The following IGF1R variants were observed in gnomAD, a reference collection of about 807,000 sequenced individuals.
IGF1R encodes the protein insulin-like growth factor 1 receptor.
Under a neutral mutation model 144.6 loss-of-function variants are expected in IGF1R, and 44 were observed. The ratio of observed to expected loss-of-function variants is 0.30; its 90% confidence interval spans 0.24 to 0.39. The LOEUF is 0.39. Among genes scored for constraint, IGF1R ranks in the 10% least tolerant of loss-of-function variants. IGF1R has a pLI of 1.00. For synonymous variants in IGF1R, 795 were observed against 722.8 expected (o/e 1.10, Z -1.60); for missense variants, 1,355 against 1,833.7 (o/e 0.74, Z 4.77).
intron 2 of IGF1R, among the ~76,000 whole-genome samples, chr15:98,830,809 G>GGCC (rs2141500907): frequency 6.6e-6 from 1 of 152,202 alleles, no homozygotes; most frequent in African/African-American, 2.4e-5. Context: ...TTGCCATGTT[G>GGCC]GCCAGGCTGA....
chr15:98,896,970 A>T, intron 4 of IGF1R, 65 bp downstream of exon 4: 1 of 1,520,372 alleles, frequency 6.6e-7, no homozygotes, highest in Non-Finnish European at 9.1e-7. Context: ...GATGCTTTTC[A>T]TGCTCCCGTC....
chr15:98,805,872 C>T (rs1268801361), intron 2 of IGF1R, among the ~76,000 whole-genome samples: 1 of 152,170 alleles, frequency 6.6e-6, no homozygotes, highest in Non-Finnish European at 1.5e-5. Context: ...CAGACACCAA[C>T]TGGGGGCCTT....
At chr15:98,738,891 A>G (rs903499321) in intron 2 of IGF1R, among the ~76,000 whole-genome samples, 1 of 152,178 alleles carries the variant, frequency 6.6e-6, no homozygotes, top group African/African-American at 2.4e-5. Context: ...GCTTTTGCAC[A>G]TGTTTTCTCA....
chr15:98,650,450 C>T (rs780101532), intron 1 of IGF1R, among the ~76,000 whole-genome samples: 2 of 152,234 alleles, frequency 1.3e-5, no homozygotes, highest in Non-Finnish European at 2.9e-5. Flanking sequence ...CTTGTCTCTT[C>T]CGGGGAGCGC....
At chr15:98,700,687 C>T (rs750476696) in intron 1 of IGF1R, among the ~76,000 whole-genome samples, 20 of 152,220 alleles carry the variant, frequency 1.3e-4, no homozygotes, top group African/African-American at 4.1e-4. Context: ...CCCCGCCACA[C>T]GGGCTGCACC....
At chr15:98,735,302 A>G (rs1469925636) in intron 2 of IGF1R, among the ~76,000 whole-genome samples, 2 of 152,210 alleles carry the variant, frequency 1.3e-5, no homozygotes, top group East Asian at 1.9e-4. Flanking sequence ...CACTTAATGG[A>G]AGAGTCTAAG....
At chr15:98,878,749 T>C (rs1241039677) in intron 2 of IGF1R, among the ~76,000 whole-genome samples, 1 of 145,874 alleles carries the variant, frequency 6.9e-6, no homozygotes, top group African/African-American at 2.6e-5. Context: ...TCCCAGCACC[T>C]TGGGAGGCCA....
At chr15:98,819,072 G>A (rs8041953) in intron 2 of IGF1R, among the ~76,000 whole-genome samples, 121,782 of 151,910 alleles carry the variant, frequency 0.8, 49,804 homozygotes, top group Non-Finnish European at 0.87. Flanking sequence ...GGCAGATGGG[G>A]CAGGAGCTCT....
At chr15:98,919,733 A>G (rs759228625) in intron 10 of IGF1R, among the ~76,000 whole-genome samples, 2 of 152,224 alleles carry the variant, frequency 1.3e-5, no homozygotes, top group Non-Finnish European at 1.5e-5. Flanking sequence ...GTGAGAGGCC[A>G]TAATTTTTAA....
intron 2 of IGF1R, among the ~76,000 whole-genome samples, chr15:98,778,129 TGA>T (rs1281483893): frequency 1.3e-5 from 2 of 152,128 alleles, no homozygotes; most frequent in South Asian, 2.1e-4. Flanking sequence ...CCTGAGAACA[TGA>T]GAGAGTGTTG....
At chr15:98,944,984 C>G (rs2151721557) in intron 19 of IGF1R, among the ~76,000 whole-genome samples, 1 of 152,356 alleles carries the variant, frequency 6.6e-6, no homozygotes, top group South Asian at 2.1e-4. Flanking sequence ...TGTGTCTGTT[C>G]TAGCCAGAAC....
At chr15:98,741,124 C>CAT (rs2054729882) in intron 2 of IGF1R, among the ~76,000 whole-genome samples, 1 of 151,738 alleles carries the variant, frequency 6.6e-6, no homozygotes, top group East Asian at 1.9e-4. Context: ...TAGAATGACT[C>CAT]TCTTGGGTAA....
At chr15:98,712,080 T>G (rs995804316) in intron 2 of IGF1R, among the ~76,000 whole-genome samples, 2 of 152,178 alleles carry the variant, frequency 1.3e-5, no homozygotes, top group South Asian at 4.1e-4. Context: ...CATAAGAATT[T>G]TGAGGGGACA....
At chr15:98,741,338 A>C (rs888261229) in intron 2 of IGF1R, among the ~76,000 whole-genome samples, 1 of 146,236 alleles carries the variant, frequency 6.8e-6, no homozygotes, top group Non-Finnish European at 1.5e-5. Context: ...TTTAGATGCT[A>C]CGTATAGAAG....
At chr15:98,702,597 G>A (rs1201075475) in intron 1 of IGF1R, among the ~76,000 whole-genome samples, 2 of 152,082 alleles carry the variant, frequency 1.3e-5, no homozygotes, top group Non-Finnish European at 2.9e-5. Context: ...CAGAGTGCTG[G>A]GACTGCAGGC....
At chr15:98,699,237 A>G (rs745815174) in intron 1 of IGF1R, among the ~76,000 whole-genome samples, 1 of 152,180 alleles carries the variant, frequency 6.6e-6, no homozygotes, top group Non-Finnish European at 1.5e-5. Context: ...TCTCATGCAC[A>G]GTGGGTGCTA....
chr15:98,674,154 T>G (rs898206042), intron 1 of IGF1R, among the ~76,000 whole-genome samples: 1 of 152,012 alleles, frequency 6.6e-6, no homozygotes, highest in African/African-American at 2.4e-5. Flanking sequence ...AATACTACTA[T>G]ACAGGAAATC....
chr15:98,683,143 CAA>C (rs2053233701), intron 1 of IGF1R, among the ~76,000 whole-genome samples: 1 of 151,818 alleles, frequency 6.6e-6, no homozygotes, highest in Non-Finnish European at 1.5e-5. Context: ...TAGGATCTGA[CAA>C]AGTGCATGGC....
At chr15:98,754,940 T>C (rs1414870792) in intron 2 of IGF1R, among the ~76,000 whole-genome samples, 1 of 152,214 alleles carries the variant, frequency 6.6e-6, no homozygotes, top group Non-Finnish European at 1.5e-5. Flanking sequence ...ACGCAGAGAA[T>C]TTCTTTTCTA....
Sources: allele counts gnomAD v4.1 joint callset (sites outside exome capture counted in the v4.1 genomes callset), GRCh38; gene constraint gnomAD v4.1.1; transcripts MANE v1.5; gene names NCBI Gene and HGNC (gene_info 2026-07-23, HGNC 2026-07-21).